The following ZNF610 variants were observed in gnomAD, a reference collection of about 807,000 sequenced individuals.
ZNF610 encodes the protein zink finger protein.
ZNF610 carries 14 observed loss-of-function variants against 14.1 expected under a neutral mutation model. That is an observed-to-expected ratio of 0.99 (90% CI 0.65 to 1.55). The LOEUF (loss-of-function observed/expected upper bound fraction) is 1.55, where lower values mean the gene tolerates loss of function less well. ZNF610 is among the 40% of genes most tolerant of loss of function. The pLI, the probability that ZNF610 is intolerant of heterozygous loss-of-function variation, is 0.00. For synonymous variants in ZNF610, 185 were observed against 187.6 expected (o/e 0.99, Z 0.11); for missense variants, 530 against 558.0 (o/e 0.95, Z 0.51).
intron 1 of ZNF610, among the ~76,000 whole-genome samples, chr19:52,340,529 A>G (rs1349334120): frequency 6.6e-6 from 1 of 152,016 alleles, no homozygotes; most frequent in African/African-American, 2.4e-5. Context: ...TGTGATGTCT[A>G]CTCAATAGTG....
upstream of ZNF610, among the ~76,000 whole-genome samples, chr19:52,333,399 A>C (rs1984252975): frequency 1.3e-5 from 2 of 152,154 alleles, no homozygotes; most frequent in African/African-American, 4.8e-5. Context: ...GACACAGGCA[A>C]AGCCTAAGAA....
At chr19:52,349,330 T>G (rs2122214421) in intron 3 of ZNF610, 95 bp downstream of exon 3, 2 of 1,401,316 alleles carry the variant, frequency 1.4e-6, no homozygotes, top group South Asian at 2.3e-5. Flanking sequence ...CACCCATGCC[T>G]TCCCTCAGTC....
chr19:52,337,949 C>T (rs935066799), intron 1 of ZNF610, among the ~76,000 whole-genome samples: 6 of 152,148 alleles, frequency 3.9e-5, no homozygotes, highest in African/African-American at 1.2e-4. Flanking sequence ...GTTTTTCCTA[C>T]GCTTACAATC....
At chr19:52,363,398 TG>T (rs1415413755) in intron 5 of ZNF610, among the ~76,000 whole-genome samples, 1 of 152,192 alleles carries the variant, frequency 6.6e-6, no homozygotes, top group Non-Finnish European at 1.5e-5. Context: ...CCCAAAGTGC[TG>T]GGATTACAGG....
intron 1 of ZNF610, chr19:52,345,386 G>C (rs1427404518): frequency 6.6e-6 from 1 of 152,186 alleles, no homozygotes; most frequent in Non-Finnish European, 1.5e-5. Flanking sequence ...TGCATTCCTT[G>C]TGTCTGTGGT....
chr19:52,364,507 G>A (rs1985926338), intron 5 of ZNF610, among the ~76,000 whole-genome samples: 1 of 152,118 alleles, frequency 6.6e-6, no homozygotes, highest in Non-Finnish European at 1.5e-5. Context: ...ATTCAGGAAC[G>A]TGTAAATTTC....
intron 1 of ZNF610, among the ~76,000 whole-genome samples, chr19:52,341,137 C>G (rs537297729): frequency 1.3e-5 from 2 of 152,074 alleles, no homozygotes; most frequent in Non-Finnish European, 2.9e-5. Context: ...GTAAGTACCC[C>G]TCTTGCATGC....
chr19:52,345,321 A>G (rs1184029317), intron 1 of ZNF610: 2 of 152,302 alleles, frequency 1.3e-5, no homozygotes, highest in East Asian at 3.9e-4. Context: ...TACACTGGAG[A>G]TGAGAAGTTC....
intron 3 of ZNF610, among the ~76,000 whole-genome samples, chr19:52,351,194 C>T (rs1423629016): frequency 2.6e-5 from 4 of 151,356 alleles, no homozygotes; most frequent in South Asian, 4.2e-4. Flanking sequence ...CAGTGGCTCA[C>T]GCCTGTAATC....
chr19:52,363,126 C>CTTT (rs201606200), intron 5 of ZNF610, among the ~76,000 whole-genome samples: 18 of 148,048 alleles, frequency 1.2e-4, no homozygotes, highest in African/African-American at 4.0e-4. Context: ...GGTTCTATCC[C>CTTT]CTTTTTTTTT....
chr19:52,334,391 T>C (rs1003529751), upstream of ZNF610, among the ~76,000 whole-genome samples: 1 of 26,972 alleles, frequency 3.7e-5, no homozygotes, highest in Non-Finnish European at 8.0e-5. Flanking sequence ...CACGTGCCTG[T>C]AGTCCCAGCT....
chr19:52,330,831 T>C, the ZNF610 span, among the ~76,000 whole-genome samples: 1 of 152,170 alleles, frequency 6.6e-6, no homozygotes, highest in Non-Finnish European at 1.5e-5. Flanking sequence ...TGGGATACCA[T>C]GAAGAGACCA....
intron 5 of ZNF610, among the ~76,000 whole-genome samples, chr19:52,359,376 T>G (rs1026914344): frequency 6.6e-6 from 1 of 152,158 alleles, no homozygotes; most frequent in Non-Finnish European, 1.5e-5. Context: ...CCCTCCATAT[T>G]TGGAGGTTTT....
intron 5 of ZNF610, among the ~76,000 whole-genome samples, chr19:52,360,351 T>C (rs1436394448): frequency 6.6e-6 from 1 of 151,446 alleles, no homozygotes; most frequent in African/African-American, 2.4e-5. Context: ...AGCCAGGAAC[T>C]GCAGATGAAA....
At chr19:52,361,484 C>G (rs909947270) in intron 5 of ZNF610, among the ~76,000 whole-genome samples, 1 of 151,994 alleles carries the variant, frequency 6.6e-6, no homozygotes, top group Non-Finnish European at 1.5e-5. Flanking sequence ...GCCACAATCT[C>G]ATTTTCTACA....
chr19:52,360,896 AG>A (rs1985740754), intron 5 of ZNF610, among the ~76,000 whole-genome samples: 1 of 152,206 alleles, frequency 6.6e-6, no homozygotes, highest in Non-Finnish European at 1.5e-5. Flanking sequence ...TTTTCTGTCA[AG>A]GTGACACTAG....
intron 1 of ZNF610, among the ~76,000 whole-genome samples, chr19:52,344,749 T>G (rs1984853986): frequency 6.6e-6 from 1 of 152,216 alleles, no homozygotes; most frequent in Admixed American, 6.5e-5. Flanking sequence ...ACTTTTAAAT[T>G]TCTTGCCATT....
intron 1 of ZNF610, chr19:52,345,648 A>T (rs896455723): frequency 6.6e-6 from 1 of 152,188 alleles, no homozygotes; most frequent in African/African-American, 2.4e-5. Flanking sequence ...AGCTTCTTAA[A>T]AAGTTTGAAA....
At chr19:52,341,862 G>T (rs1424077622) in intron 1 of ZNF610, among the ~76,000 whole-genome samples, 1 of 152,138 alleles carries the variant, frequency 6.6e-6, no homozygotes, top group Admixed American at 6.5e-5. Flanking sequence ...CCAGGCTGGA[G>T]TGCAGTGGCA....
Sources: gnomAD v4.1 joint callset for allele counts (sites outside exome capture counted in the v4.1 genomes callset) on GRCh38, gnomAD v4.1.1 for gene constraint, MANE v1.5 for transcripts, NCBI Gene and HGNC (gene_info 2026-07-23, HGNC 2026-07-21) for gene names.